The following LRP1B variants were observed in gnomAD, a reference collection of about 807,000 sequenced individuals.
LRP1B encodes LDL receptor related protein 1B.
In LRP1B, 217 loss-of-function variants were observed where a neutral mutation model predicts 556.6. That is an observed-to-expected ratio of 0.39 (90% CI 0.35 to 0.44). The LOEUF (loss-of-function observed/expected upper bound fraction) is 0.44, where lower values mean the gene tolerates loss of function less well. Among genes scored for constraint, LRP1B ranks in the 20% least tolerant of loss-of-function variants. LRP1B has a pLI of 1.00. For missense variants in LRP1B, 5,053 were observed against 5,620.8 expected, an observed-to-expected ratio of 0.90 and a Z score of 3.23; for synonymous variants, 2,047 against 1,865.8, an observed-to-expected ratio of 1.10 and a Z score of -2.50.
intron 23 of LRP1B, among the ~76,000 whole-genome samples, chr2:140,901,123 A>C (rs1694092660): frequency 6.6e-6 from 1 of 152,128 alleles, no homozygotes; most frequent in African/African-American, 2.4e-5. Context: ...TAGATAAGTA[A>C]GCAACAATGT....
intron 14 of LRP1B, 110 bp downstream of exon 14, chr2:141,013,446 C>T: frequency 8.3e-6 from 7 of 845,886 alleles, no homozygotes; most frequent in Non-Finnish European, 1.2e-5. Context: ...GGGAATTTGA[C>T]ATCTTTTATC....
At chr2:141,567,835 T>C (rs2105258295) in intron 2 of LRP1B, among the ~76,000 whole-genome samples, 1 of 112,734 alleles carries the variant, frequency 8.9e-6, no homozygotes, top group Non-Finnish European at 2.1e-5. Flanking sequence ...AATTTCCTAA[T>C]ACAGGCTTAG....
At chr2:141,158,204 A>G (rs73962833) in intron 7 of LRP1B, among the ~76,000 whole-genome samples, 1 of 152,034 alleles carries the variant, frequency 6.6e-6, no homozygotes, top group Admixed American at 6.6e-5. Context: ...CTCTTTTATC[A>G]TGTATGTTTC....
chr2:141,476,340 ATTC>A (rs2105080693), intron 3 of LRP1B, among the ~76,000 whole-genome samples: 1 of 152,220 alleles, frequency 6.6e-6, no homozygotes, highest in East Asian at 1.9e-4. Flanking sequence ...TTCTTCCATC[ATTC>A]TTTATATGGT....
At chr2:141,285,100 T>A (rs942688351) in intron 3 of LRP1B, among the ~76,000 whole-genome samples, 6 of 141,828 alleles carry the variant, frequency 4.2e-5, no homozygotes, top group Non-Finnish European at 9.1e-5. Flanking sequence ...CATATTTCAT[T>A]TTTTTTTTTT....
At position 141,295,552 on chromosome 2, in the gene LRP1B, T is replaced by A. The variant is rs150397115; in HGVS notation, c.344-40911A>T. On this transcript the variant is annotated intron_variant, in intron 3 of 90. Coordinates refer to ENST00000389484, the MANE Select transcript of LRP1B (RefSeq NM_018557.3). ...TGCTTAGTGTCTCCTTGACATCTCT[T>A]TAGCATTTGTTTCCTCTGATCACTA... is the stretch of plus-strand genomic sequence containing the variant. 4.4e-4 allele frequency among the ~76,000 whole-genome samples: 67 copies of A among 152,270 alleles called. No individual in the cohort carries two copies. In the East Asian group the frequency reaches 0.012, roughly 27 times the overall value.
At chr2:140,627,769 C>A (rs998470425) in intron 41 of LRP1B, among the ~76,000 whole-genome samples, 2 of 152,134 alleles carry the variant, frequency 1.3e-5, no homozygotes, top group African/African-American at 4.8e-5. Flanking sequence ...TCAACCACAG[C>A]TTTAGAGTAA....
chr2:141,259,372 C>T (rs916424858), intron 3 of LRP1B, among the ~76,000 whole-genome samples: 6 of 152,152 alleles, frequency 3.9e-5, no homozygotes, highest in African/African-American at 1.4e-4. Flanking sequence ...CTTGTTTCCT[C>T]TTTCTAGGGA....
Position 141,113,505 on chromosome 2 carries a change from G to A in LRP1B, c.1014-51232C>T, listed in dbSNP as rs527933444. ...ATTTTAAAATCTTTTCTTAAAGTTTGTACAACTGCTTAGTTTTAATGGTCT... is the reference window on the plus strand; with the variant it reads ...ATTTTAAAATCTTTTCTTAAAGTTTATACAACTGCTTAGTTTTAATGGTCT... On this transcript the variant is annotated intron_variant, in intron 7 of 90. Coordinates refer to ENST00000389484, the MANE Select transcript of LRP1B (RefSeq NM_018557.3). Among the ~76,000 whole-genome samples the A allele has an allele frequency of 2.0e-5, 3 of 152,160 alleles. No homozygotes were observed. In the East Asian group the frequency reaches 5.8e-4, roughly 29 times the overall value.
At chr2:141,197,361 A>G (rs1681798272) in intron 6 of LRP1B, among the ~76,000 whole-genome samples, 1 of 152,042 alleles carries the variant, frequency 6.6e-6, no homozygotes, top group Non-Finnish European at 1.5e-5. Flanking sequence ...TTAGATTTTT[A>G]CTTACACTCA....
At chr2:141,241,821 C>T (rs1193274775) in intron 5 of LRP1B, among the ~76,000 whole-genome samples, 1 of 151,774 alleles carries the variant, frequency 6.6e-6, no homozygotes, top group Non-Finnish European at 1.5e-5. Context: ...GGTGACTAGG[C>T]TCACTCCTAG....
chr2:141,069,653 C>T (rs1699580411), intron 7 of LRP1B, among the ~76,000 whole-genome samples: 1 of 152,046 alleles, frequency 6.6e-6, no homozygotes, highest in Admixed American at 6.6e-5. Context: ...TTTACTGCAG[C>T]TGCCAAATCT....
Position 141,058,982 on chromosome 2 carries a change from C to A in LRP1B, c.1309G>T (p.Val437Leu), listed in dbSNP as rs145931578. The change falls in exon 9 of 91, where the codon GTA (valine) becomes TTA (leucine). Residue 437 changes from valine (V) to leucine (L), a missense_variant. Val to Leu is a conservative substitution (Grantham distance 32). Coordinates refer to ENST00000389484, the MANE Select transcript of LRP1B (RefSeq NM_018557.3). ...GTCCCATTAAATCGGTTTATCCTTACGATATTGTAGTTATCAGAATTGGTT... is the reference window on the plus strand; with the variant it reads ...GTCCCATTAAATCGGTTTATCCTTAAGATATTGTAGTTATCAGAATTGGTT... Reference protein sequence around the residue: ...YATNSDNYNIVRINRFNGTDI... With the variant: ...YATNSDNYNILRINRFNGTDI... 559 of 1,595,390 alleles carry A rather than the reference C, an allele frequency of 3.5e-4. 6 individuals are homozygous for A. In the African/African-American group the frequency reaches 6.8e-3, roughly 19 times the overall value.
intron 7 of LRP1B, among the ~76,000 whole-genome samples, chr2:141,091,408 A>AAACAAC (rs977384142): frequency 1.3e-5 from 2 of 152,318 alleles, no homozygotes; most frequent in South Asian, 4.1e-4. Context: ...TAAAAAACAA[A>AAACAAC]AACAACAACA....
At chr2:140,841,177 G>A (rs2105098751) in intron 29 of LRP1B, 85 bp from the exon 30 acceptor site, 1 of 838,296 alleles carries the variant, frequency 1.2e-6, no homozygotes, top group South Asian at 2.2e-5. Context: ...CTATCTAAGG[G>A]AAAATTTAAT....
At chr2:140,328,987 GTTAT>G (rs1178437521) in intron 79 of LRP1B, among the ~76,000 whole-genome samples, 4 of 152,066 alleles carry the variant, frequency 2.6e-5, no homozygotes, top group African/African-American at 7.2e-5. Flanking sequence ...CCAGTATGTA[GTTAT>G]TTATTTTCTT....
chr2:141,414,615 G>A (rs1691017172), intron 3 of LRP1B, among the ~76,000 whole-genome samples: 1 of 152,248 alleles, frequency 6.6e-6, no homozygotes, highest in Non-Finnish European at 1.5e-5. Flanking sequence ...AGGATTCCCT[G>A]TCAAGGGGCT....
intron 46 of LRP1B, among the ~76,000 whole-genome samples, chr2:140,534,448 T>C (rs1356838226): frequency 6.6e-6 from 1 of 152,138 alleles, no homozygotes. Flanking sequence ...ATATCACATA[T>C]TCAATTCTGA....
intron 87 of LRP1B, among the ~76,000 whole-genome samples, 197 bp from the exon 88 acceptor site, chr2:140,239,729 TC>T (rs1680867798): frequency 6.6e-6 from 1 of 150,958 alleles, no homozygotes; most frequent in African/African-American, 2.4e-5. Flanking sequence ...TGGAAATGTT[TC>T]CTTAGATATC....
Sources: gnomAD v4.1 joint callset for allele counts (sites outside exome capture counted in the v4.1 genomes callset) on GRCh38, gnomAD v4.1.1 for gene constraint, MANE v1.5 for transcripts, NCBI Gene and HGNC (gene_info 2026-07-23, HGNC 2026-07-21) for gene names.